Variants in MIGA1 observed in about 807,000 individuals in gnomAD.
The protein encoded by MIGA1 is mitoguardin 1.
Under a neutral mutation model 82.0 loss-of-function variants are expected in MIGA1, and 58 were observed. That is an observed-to-expected ratio of 0.71 (90% CI 0.57 to 0.88). The LOEUF (loss-of-function observed/expected upper bound fraction) is 0.88, where lower values mean the gene tolerates loss of function less well. MIGA1 is among the 40% of genes least tolerant of loss of function. MIGA1 has a pLI of 0.00. For missense variants in MIGA1, 751 were observed against 749.1 expected (o/e 1.00, Z -0.03); for synonymous variants, 249 against 253.6 (o/e 0.98, Z 0.17).
At position 77,816,308 on chromosome 1, in the gene MIGA1, A is replaced by G. The variant is rs80137899; in HGVS notation, c.895+1077A>G. Among the ~76,000 whole-genome samples the G allele has an allele frequency of 7.3e-3, 1,119 of 152,372 alleles. 17 individuals carry two copies. Among genetic ancestry groups the G allele is most frequent in the African/African-American group, 0.025 (1,041 of 41,596 alleles). On this transcript the variant is annotated intron_variant, in intron 7 of 15. Coordinates refer to ENST00000370791, the MANE Select transcript of MIGA1 (RefSeq NM_198549.4). The stretch of plus-strand genomic sequence containing the variant: ...GATTAAAGTTGCTTCTTCAACTTCT[A>G]TAAATGCCCCCAAAGAAAGAAAGAA...
In MIGA1 at chr1:77,878,977, T is replaced by G. The variant is rs1006246545; in HGVS notation, c.*3913T>G. The G allele has an allele frequency of 1.0e-5, 3 of 295,376 alleles. No individual in the cohort carries two copies. Among genetic ancestry groups the G allele is most frequent in the Non-Finnish European group, 6.2e-6 (1 of 161,026 alleles). 18.3% of individuals were successfully genotyped at this position (295,376 alleles called of 1,614,324 possible). On this transcript the variant is annotated 3_prime_UTR_variant, in exon 16 of 16. Coordinates refer to ENST00000370791, the MANE Select transcript of MIGA1 (RefSeq NM_198549.4). The stretch of plus-strand genomic sequence containing the variant: ...TGCCTTAAAATGTAACATTTTCTAC[T>G]TAAATTTAATTTCCAAGAGAGTGAT...
chr1:77,859,039 T>G lies in MIGA1; in HGVS notation c.1098T>G (p.Ile366Met), dbSNP rs1214882182. The change falls in exon 9 of 16, where the codon ATT (isoleucine) becomes ATG (methionine). Residue 366 changes from isoleucine (I) to methionine (M), a missense_variant. Transcript: ENST00000370791. ...TGCATTTAGTTGAAGAAGGAAAAAT[T>G]TACTCCAGAGTACTGAGGTACCATT... 2 of 1,606,438 alleles carry G rather than the reference T, an allele frequency of 1.2e-6. No homozygotes were observed. The highest frequency in any genetic ancestry group is 2.7e-5 in the African/African-American group (2 of 74,778).
chr1:77,809,914 A>T (rs1055049852), intron 5 of MIGA1, among the ~76,000 whole-genome samples: 1 of 151,660 alleles, frequency 6.6e-6, no homozygotes, highest in Non-Finnish European at 1.5e-5. Flanking sequence ...TAAAAAAAAT[A>T]GAATATCTTT....
At chr1:77,855,287 A>C (rs2101922998) in intron 8 of MIGA1, among the ~76,000 whole-genome samples, 1 of 152,124 alleles carries the variant, frequency 6.6e-6, no homozygotes, top group Middle Eastern at 3.4e-3. Context: ...TGCTGTTTTG[A>C]TGATTGTGGC....
At chr1:77,865,419 C>G (rs1475105641) in intron 13 of MIGA1, among the ~76,000 whole-genome samples, 1 of 151,970 alleles carries the variant, frequency 6.6e-6, no homozygotes, top group Non-Finnish European at 1.5e-5. Flanking sequence ...AGTGACACCT[C>G]GTCTCTATAA....
At chr1:77,825,614 G>A (rs991196474) in intron 7 of MIGA1, among the ~76,000 whole-genome samples, 2 of 152,156 alleles carry the variant, frequency 1.3e-5, no homozygotes, top group Non-Finnish European at 2.9e-5. Context: ...TGGAAGTTAT[G>A]CAGAGAAGAC....
chr1:77,826,603 G>A lies in MIGA1; in HGVS notation c.895+11372G>A, dbSNP rs910539575. ...TGATTCTCCCATTTCAGCTTCCTGA[G>A]TACCTGGGACTACAGGCGTGAACTA... On this transcript the variant is annotated intron_variant, in intron 7 of 15. Transcript: ENST00000370791. Among the ~76,000 whole-genome samples, 51 of 152,184 alleles carry A rather than the reference G, an allele frequency of 3.4e-4. 1 individual carries two copies. Among genetic ancestry groups the A allele is most frequent in the African/African-American group, 1.2e-3 (51 of 41,526 alleles).
At chr1:77,813,951 A>G in intron 6 of MIGA1, 84 bp downstream of exon 6, 2 of 1,426,306 alleles carry the variant, frequency 1.4e-6, no homozygotes, top group South Asian at 2.5e-5. Flanking sequence ...GTAGGGTCTC[A>G]CTGTTGTTAC....
At chr1:77,864,905 A>G (rs1055212185) in intron 13 of MIGA1, among the ~76,000 whole-genome samples, 1 of 152,202 alleles carries the variant, frequency 6.6e-6, no homozygotes, top group Non-Finnish European at 1.5e-5. Flanking sequence ...TAGGGTGGAT[A>G]TATTTTATGA....
chr1:77,873,024 C>T lies in MIGA1; in HGVS notation c.1584C>T (p.Ala528=). ...AGCAGATCCCAGATGGATTTTTTGC[C>T]CATTTTTATGCCATTTGTGAACACA... is the stretch of plus-strand genomic sequence containing the variant. Residue 528 remains alanine (A), a synonymous_variant, in exon 15 of 16, where the codon GCC becomes GCT. Transcript: ENST00000370791. 1.9e-6 allele frequency: 3 copies of T among 1,613,748 alleles called. No homozygotes were observed. The highest frequency in any genetic ancestry group is 2.5e-6 in the Non-Finnish European group (3 of 1,179,954).
intron 7 of MIGA1, among the ~76,000 whole-genome samples, chr1:77,822,171 TG>T (rs1483753188): frequency 6.8e-6 from 1 of 147,590 alleles, no homozygotes; most frequent in African/African-American, 2.5e-5. Flanking sequence ...CAGTTTTGTA[TG>T]TCAGTAATAG....
intron 2 of MIGA1, among the ~76,000 whole-genome samples, chr1:77,790,518 G>A (rs1570920697): frequency 1.3e-5 from 2 of 151,306 alleles, no homozygotes; most frequent in East Asian, 1.9e-4. Context: ...TGCCCGCCTC[G>A]GCCTCCCAAA....
chr1:77,802,035 C>T (rs1303699147), intron 3 of MIGA1, among the ~76,000 whole-genome samples: 1 of 152,004 alleles, frequency 6.6e-6, no homozygotes, highest in African/African-American at 2.4e-5. Flanking sequence ...TGTCTATTTT[C>T]CTTAGTATGT....
At chr1:77,799,730 T>C (rs992289931) in intron 2 of MIGA1, among the ~76,000 whole-genome samples, 10 of 152,128 alleles carry the variant, frequency 6.6e-5, no homozygotes, top group Non-Finnish European at 2.9e-5. Flanking sequence ...TAGGATCCTT[T>C]TTACAGACCT....
intron 7 of MIGA1, among the ~76,000 whole-genome samples, chr1:77,826,042 C>G (rs1034327533): frequency 6.6e-6 from 1 of 152,150 alleles, no homozygotes; most frequent in Admixed American, 6.6e-5. Flanking sequence ...AAACACTTAT[C>G]TATTCATTAT....
At chr1:77,780,340 G>T in intron 1 of MIGA1, 1 of 216,990 alleles carries the variant, frequency 4.6e-6, no homozygotes. Context: ...AGGTCCTTCT[G>T]TAAAGTTGTT....
chr1:77,860,811 A>G (rs907839488), intron 11 of MIGA1: 4 of 173,182 alleles, frequency 2.3e-5, no homozygotes, highest in Non-Finnish European at 3.7e-5. Context: ...AGGTGATACT[A>G]TTAATACATG....
chr1:77,874,383 A>G (rs1453876096), intron 15 of MIGA1, among the ~76,000 whole-genome samples: 1 of 151,890 alleles, frequency 6.6e-6, no homozygotes, highest in Non-Finnish European at 1.5e-5. Context: ...ATTATAACGT[A>G]TTATTTTATT....
intron 1 of MIGA1, 49 bp from the exon 2 acceptor site, chr1:77,783,189 T>C (rs773709408): frequency 7.7e-7 from 1 of 1,304,430 alleles, no homozygotes; most frequent in Non-Finnish European, 1.1e-6. Context: ...ATTGGTAAAG[T>C]AACCAGAAAT....
Sources: gnomAD v4.1 joint callset for allele counts (sites outside exome capture counted in the v4.1 genomes callset) on GRCh38, gnomAD v4.1.1 for gene constraint, MANE v1.5 for transcripts, NCBI Gene and HGNC (gene_info 2026-07-23, HGNC 2026-07-21) for gene names.